The following SLC7A1 variants were observed in gnomAD, a reference collection of about 807,000 sequenced individuals.
SLC7A1 encodes solute carrier family 7 member 1.
In SLC7A1, 10 loss-of-function variants were observed where a neutral mutation model predicts 53.9. The ratio of observed to expected loss-of-function variants is 0.19; its 90% confidence interval spans 0.11 to 0.31. The LOEUF (loss-of-function observed/expected upper bound fraction) is 0.31, where lower values mean the gene tolerates loss of function less well. SLC7A1 is among the 10% of genes least tolerant of loss of function. SLC7A1 has a pLI of 1.00. For synonymous variants in SLC7A1, 342 were observed against 338.7 expected (o/e 1.01, Z -0.11); for missense variants, 525 against 827.2 (o/e 0.63, Z 4.48).
chr13:29,595,049 C>A (rs1872253304), intron 1 of SLC7A1, among the ~76,000 whole-genome samples: 1 of 152,126 alleles, frequency 6.6e-6, no homozygotes, highest in South Asian at 2.1e-4. Context: ...GCCCGCCGCC[C>A]GCCTACGCAC....
At chr13:29,539,533 T>C (rs1460662480) in intron 2 of SLC7A1, among the ~76,000 whole-genome samples, 1 of 152,192 alleles carries the variant, frequency 6.6e-6, no homozygotes, top group Non-Finnish European at 1.5e-5. Flanking sequence ...TAGATACAGA[T>C]AACGGTTTTC....
At chr13:29,553,382 T>A (rs993509708) in intron 2 of SLC7A1, among the ~76,000 whole-genome samples, 1 of 152,100 alleles carries the variant, frequency 6.6e-6, no homozygotes, top group Non-Finnish European at 1.5e-5. Context: ...GCGCCCAATG[T>A]CCATGCCAGG....
chr13:29,525,777 C>T (rs910650689), intron 5 of SLC7A1, among the ~76,000 whole-genome samples: 1 of 152,178 alleles, frequency 6.6e-6, no homozygotes, highest in African/African-American at 2.4e-5. Flanking sequence ...TGTGGCCAAA[C>T]AAAATTTTAG....
chr13:29,564,017 A>T (rs1870869975), intron 1 of SLC7A1, among the ~76,000 whole-genome samples: 1 of 152,218 alleles, frequency 6.6e-6, no homozygotes, highest in Non-Finnish European at 1.5e-5. Context: ...GAAGGACCAC[A>T]CAGTCACGGA....
At chr13:29,519,393 G>T in intron 9 of SLC7A1, 54 bp downstream of exon 9, 1 of 1,037,064 alleles carries the variant, frequency 9.6e-7, no homozygotes, top group Non-Finnish European at 1.5e-6. Context: ...ACTGTGAAAA[G>T]GCTACCAGGT....
At chr13:29,595,119 C>T (rs1252433328) in intron 1 of SLC7A1, among the ~76,000 whole-genome samples, 1 of 151,802 alleles carries the variant, frequency 6.6e-6, no homozygotes, top group Non-Finnish European at 1.5e-5. Context: ...GAGCGGGCAT[C>T]GCCAGATCGC....
chr13:29,580,555 T>C (rs1171180534), intron 1 of SLC7A1, among the ~76,000 whole-genome samples: 1 of 151,964 alleles, frequency 6.6e-6, no homozygotes, highest in Non-Finnish European at 1.5e-5. Flanking sequence ...TGGAAACAAG[T>C]CTTAATTTCC....
intron 8 of SLC7A1, among the ~76,000 whole-genome samples, chr13:29,520,574 T>C (rs1312673722): frequency 6.6e-6 from 1 of 152,232 alleles, no homozygotes; most frequent in African/African-American, 2.4e-5. Flanking sequence ...AGTATACGTG[T>C]CTATTCACAT....
At chr13:29,583,200 C>T (rs1871727886) in intron 1 of SLC7A1, among the ~76,000 whole-genome samples, 1 of 152,238 alleles carries the variant, frequency 6.6e-6, no homozygotes, top group African/African-American at 2.4e-5. Flanking sequence ...CCCGCATGCA[C>T]AGTAAAAGTG....
chr13:29,524,927 C>T (rs1258254342), intron 5 of SLC7A1, among the ~76,000 whole-genome samples: 1 of 152,184 alleles, frequency 6.6e-6, no homozygotes, highest in Non-Finnish European at 1.5e-5. Context: ...GCTGCTTAAA[C>T]ATTCAGAAAA....
chr13:29,573,873 C>T (rs1871300723), intron 1 of SLC7A1, among the ~76,000 whole-genome samples: 1 of 152,238 alleles, frequency 6.6e-6, no homozygotes, highest in Admixed American at 6.5e-5. Context: ...CTGAACACCT[C>T]CCCTTTGCCC....
chr13:29,561,018 C>T (rs1439391618), intron 1 of SLC7A1, among the ~76,000 whole-genome samples: 2 of 152,144 alleles, frequency 1.3e-5, no homozygotes, highest in South Asian at 2.1e-4. Context: ...AAAGCGGTTT[C>T]GCCTGTTCTT....
intron 2 of SLC7A1, among the ~76,000 whole-genome samples, chr13:29,550,701 C>T: frequency 6.6e-6 from 1 of 152,332 alleles, no homozygotes; most frequent in South Asian, 2.1e-4. Flanking sequence ...CAGATGAAAA[C>T]CAAGCCCAGG....
chr13:29,576,803 G>A (rs368895016), intron 1 of SLC7A1, among the ~76,000 whole-genome samples: 24 of 152,246 alleles, frequency 1.6e-4, no homozygotes, highest in African/African-American at 5.5e-4. Context: ...CCATTGCCTC[G>A]ATTCTCAGAC....
intron 5 of SLC7A1, among the ~76,000 whole-genome samples, chr13:29,525,284 C>G (rs1279714259): frequency 6.6e-6 from 1 of 152,240 alleles, no homozygotes; most frequent in Admixed American, 6.5e-5. Context: ...GCCCCAGGGC[C>G]GCAGGCTTTC....
At position 29,517,278 on chromosome 13, in the gene SLC7A1, C is replaced by G. The variant is rs535160170; in HGVS notation, c.1543G>C (p.Val515Leu). 6.2e-7 allele frequency: 1 copy of G among 1,613,178 alleles called. No homozygotes were observed. Among genetic ancestry groups the G allele is most frequent in the Admixed American group, 1.7e-5 (1 of 59,868 alleles). Residue 515 changes from valine to leucine, a missense_variant, in exon 11 of 13, where the codon GTG becomes CTG. By Grantham distance (32) the Val-to-Leu change is conservative. This residue lies in a region of SLC7A1 where 122 missense variants were observed against 140.9 expected (regional missense o/e 0.87). Coordinates refer to ENST00000380752, the MANE Select transcript of SLC7A1 (RefSeq NM_003045.5). ...TTGGTGAGAGCCTCCCTTCCAAGCACGGTCACAATGCAGAAGGTGATGATG... is the reference window on the plus strand; with the variant it reads ...TTGGTGAGAGCCTCCCTTCCAAGCAGGGTCACAATGCAGAAGGTGATGATG... ...VLIITFCIVT[V>L]LGREALTKGA...
rs539827987 is a variant in SLC7A1 at position 29,514,317 on chromosome 13, G to C, written c.*163C>G. 1.6e-6 allele frequency: 1 copy of C among 608,532 alleles called. No individual in the cohort carries two copies. Among genetic ancestry groups the C allele is most frequent in the African/African-American group, 1.8e-5 (1 of 54,494 alleles). The allele number at this position is 608,532 out of a possible 1,614,324, so 37.7% of individuals were successfully genotyped here. On this transcript the variant is annotated 3_prime_UTR_variant, in exon 13 of 13. Coordinates refer to ENST00000380752, the MANE Select transcript of SLC7A1 (RefSeq NM_003045.5). ...GGCCCGGAGAACCGGCTGCAGAGCC[G>C]AGGGTGGGCTGGGGCTGCAGGTCAA...
At chr13:29,516,292 T>G (rs776336060) in intron 11 of SLC7A1, 46 bp from the exon 12 acceptor site, 1 of 1,231,086 alleles carries the variant, frequency 8.1e-7, no homozygotes, top group Non-Finnish European at 1.2e-6. Flanking sequence ...TGGCGCCGGT[T>G]CCAATAGTTC....
chr13:29,592,995 C>G (rs1288643706), intron 1 of SLC7A1, among the ~76,000 whole-genome samples: 1 of 152,062 alleles, frequency 6.6e-6, no homozygotes, highest in Non-Finnish European at 1.5e-5. Flanking sequence ...AAGAGACCCC[C>G]CAGATTTGGC....
Sources: allele counts gnomAD v4.1 joint callset (sites outside exome capture counted in the v4.1 genomes callset), GRCh38; gene constraint gnomAD v4.1.1; regional missense constraint gnomAD v4.1.1; transcripts MANE v1.5; gene names NCBI Gene and HGNC (gene_info 2026-07-23, HGNC 2026-07-21).